EPHA10: variants seen among roughly 807,000 people sequenced by gnomAD.
EPHA10 encodes ephrin type-A receptor 10.
Under a neutral mutation model 109.7 loss-of-function variants are expected in EPHA10, and 120 were observed. The observed-to-expected ratio is 1.09, with a 90% CI of 0.94 to 1.27. The LOEUF (loss-of-function observed/expected upper bound fraction) is 1.27. EPHA10 is among the 50% of genes most tolerant of loss of function. The probability of loss-of-function intolerance (pLI) is 0.00; values close to 1 mark genes in which losing one functional copy is unlikely to be tolerated. For synonymous variants in EPHA10, 640 were observed against 618.9 expected, an observed-to-expected ratio of 1.03 and a Z score of -0.51; for missense variants, 1,396 against 1,411.1, an observed-to-expected ratio of 0.99 and a Z score of 0.17.
chr1:37,760,126 A>G (rs1646419201), intron 3 of EPHA10: 1 of 273,810 alleles, frequency 3.7e-6, no homozygotes, highest in Admixed American at 6.3e-5. Flanking sequence ...TCCTCCCACC[A>G]CTCTGTGTAT....
At position 37,754,401 on chromosome 1, in the gene EPHA10, C is replaced by G. The variant is rs1569761514; in HGVS notation, c.851-31G>C. ...GGGCATGGCTGGTGAGAAGAGGGGG[C>G]TCCTCCAGTTTCTCCCCGCTTTCCT... On this transcript the variant is annotated intron_variant, in intron 3 of 16. Transcript: ENST00000373048. The surrounding 1 kb of genome is among the most constrained non-coding windows in gnomAD (Gnocchi z 4.5). The G allele has an allele frequency of 7.8e-7, 1 of 1,281,120 alleles. No individual in the cohort carries two copies. Among genetic ancestry groups the G allele is most frequent in the Non-Finnish European group, 9.9e-7 (1 of 1,010,300 alleles). 79.4% of individuals were successfully genotyped at this position (1,281,120 alleles called of 1,614,324 possible). A position where few individuals can be genotyped will look rare whatever the true frequency, so the allele number is the denominator to read the frequency against.
intron 7 of EPHA10, among the ~76,000 whole-genome samples, chr1:37,728,575 A>G (rs1422500187): frequency 6.6e-6 from 1 of 152,162 alleles, no homozygotes; most frequent in African/African-American, 2.4e-5. Context: ...TGGGTGCAGC[A>G]AGGTGCCCAG....
At position 37,764,874 on chromosome 1, in the gene EPHA10, C is replaced by T. The variant is rs2148373206; in HGVS notation, c.106+87G>A. 3 of 1,222,870 alleles carry T rather than the reference C, an allele frequency of 2.5e-6. No homozygotes were observed. Among genetic ancestry groups the T allele is most frequent in the African/African-American group, 1.5e-5 (1 of 66,800 alleles). 75.8% of individuals were successfully genotyped at this position (1,222,870 alleles called of 1,614,324 possible). A position where few individuals can be genotyped will look rare whatever the true frequency, so the allele number is the denominator to read the frequency against. ...GCCCCAATACAGACTCTAGTCTCTC[C>T]AATGACTCCTTCCCCCAGAACCCCC... On this transcript the variant is annotated intron_variant, in intron 1 of 16. Coordinates refer to ENST00000373048, the MANE Select transcript of EPHA10 (RefSeq NM_001099439.2). The surrounding 1 kb of genome is among the most constrained non-coding windows in gnomAD (Gnocchi z 5.8).
At position 37,731,427 on chromosome 1, in the gene EPHA10, T is replaced by C. The variant is rs2148329878; in HGVS notation, c.1647A>G (p.Val549=). The change falls in exon 7 of 17, where the codon GTA becomes GTG. Residue 549 remains valine, a synonymous_variant. Coordinates refer to ENST00000373048, the MANE Select transcript of EPHA10 (RefSeq NM_001099439.2). ...EAQSFNPSIE[V]QTLGEAASGS... ...ACTACTTACCCTCCCCCAGGGTCTGTACTTCAATGCTGGGGTTAAAACTCT... is the reference window on the plus strand; with the variant it reads ...ACTACTTACCCTCCCCCAGGGTCTGCACTTCAATGCTGGGGTTAAAACTCT... 6.2e-7 allele frequency: 1 copy of C among 1,610,856 alleles called. No individual in the cohort carries two copies. The highest frequency in any genetic ancestry group is 8.5e-7 in the Non-Finnish European group (1 of 1,178,224).
Position 37,719,941 on chromosome 1 carries a change from C to T in EPHA10, c.2530G>A (p.Glu844Lys). Residue 844 changes from glutamate to lysine, a missense_variant, in exon 14 of 17, where the codon GAG (glutamate) becomes AAG (lysine). Glu to Lys is a moderately conservative substitution (Grantham distance 56). Transcript: ENST00000373048. ...IIMWEVMAFGERPYWDMSGQD... is the reference protein window; with the variant it reads ...IIMWEVMAFGKRPYWDMSGQD... ...CCAGACATGTCCCAGTAAGGCCGCT[C>T]CCCAAAGGCCATCACCTCCCACATG... 2 of 1,614,102 alleles carry T rather than the reference C, an allele frequency of 1.2e-6. No individual in the cohort carries two copies. The highest frequency in any genetic ancestry group is 1.7e-6 in the Non-Finnish European group (2 of 1,180,040).
At chr1:37,763,662 TAGAGAG>T (rs10607448) in intron 1 of EPHA10, among the ~76,000 whole-genome samples, 2 of 150,140 alleles carry the variant, frequency 1.3e-5, no homozygotes, top group African/African-American at 4.9e-5. Context: ...AAGAGTCAAT[TAGAGAG>T]AGAGAGAGAG....
In EPHA10 at chr1:37,761,813, G is replaced by C. The variant is rs139460043; in HGVS notation, c.442C>G (p.Arg148Gly). 1.7e-5 allele frequency: 28 copies of C among 1,613,438 alleles called. No individual in the cohort carries two copies. Among genetic ancestry groups the C allele is most frequent in the African/African-American group, 1.1e-4 (8 of 74,916 alleles). Residue 148 changes from arginine (R) to glycine (G), a missense_variant, in exon 3 of 17, where the codon CGG (arginine) becomes GGG (glycine). Coordinates refer to ENST00000373048, the MANE Select transcript of EPHA10 (RefSeq NM_001099439.2). ...GCGATCGTGTCGATTTTGCGGGGCC[G>C]GCTGCCGCCTAGGCGGGGACGCCCA... ...GRGRPRLGGS[R>G]PRKIDTIAAD...
chr1:37,719,289 G>T (rs1645745083), intron 15 of EPHA10, 125 bp downstream of exon 15: 1 of 1,135,352 alleles, frequency 8.8e-7, no homozygotes, highest in African/African-American at 1.5e-5. Flanking sequence ...AGCCCTCTGG[G>T]GCAATGGGGT....
chr1:37,763,740 CAG>C (rs1646452989), intron 1 of EPHA10, among the ~76,000 whole-genome samples: 1 of 152,132 alleles, frequency 6.6e-6, no homozygotes, highest in African/African-American at 2.4e-5. Context: ...CACTCCTACT[CAG>C]GGGCTTTTCT....
chr1:37,758,794 G>T (rs1028664305), intron 3 of EPHA10, among the ~76,000 whole-genome samples: 6 of 152,126 alleles, frequency 3.9e-5, no homozygotes, highest in African/African-American at 1.4e-4. Flanking sequence ...GTCTTTCAGA[G>T]CTCCAGACCC....
At chr1:37,735,199 G>A (rs1476324725) in intron 6 of EPHA10, 58 bp downstream of exon 6, 2 of 1,549,628 alleles carry the variant, frequency 1.3e-6, no homozygotes, top group Non-Finnish European at 1.7e-6. Flanking sequence ...TGAAGAACCA[G>A]AAGCCCTGCG....
At position 37,720,369 on chromosome 1, in the gene EPHA10, C is replaced by T. The variant is rs1471659197; in HGVS notation, c.2394G>A (p.Glu798=). 2 of 1,610,270 alleles carry T rather than the reference C, an allele frequency of 1.2e-6. No homozygotes were observed. The highest frequency in any genetic ancestry group is 1.7e-6 in the Non-Finnish European group (2 of 1,178,974). The change falls in exon 13 of 17, where the codon GAG becomes GAA. Residue 798 remains glutamate, a synonymous_variant. Coordinates refer to ENST00000373048, the MANE Select transcript of EPHA10 (RefSeq NM_001099439.2). Reference sequence around the variant, plus strand: ...CCCTCACCATAGTGGTGTAGACAGCCTCTGATCGGTCCCGGGGGCCCCGCC... The same window carrying T: ...CCCTCACCATAGTGGTGTAGACAGCTTCTGATCGGTCCCGGGGGCCCCGCC... ...GFGRGPRDRS[E]AVYTTMSGRS... is the part of the protein sequence containing the mutation.
At chr1:37,745,584 C>G (rs535933257) in intron 5 of EPHA10, among the ~76,000 whole-genome samples, 2 of 152,310 alleles carry the variant, frequency 1.3e-5, no homozygotes, top group East Asian at 3.9e-4. Flanking sequence ...CATGGTGGCT[C>G]ATACCTGTAA....
intron 6 of EPHA10, among the ~76,000 whole-genome samples, chr1:37,732,676 G>A (rs1008058535): frequency 5.3e-5 from 8 of 152,022 alleles, no homozygotes; most frequent in Admixed American, 1.3e-4. Context: ...GCAACGTGCC[G>A]TAAGCAAGCC....
chr1:37,761,503 G>A lies in EPHA10; in HGVS notation c.752C>T (p.Pro251Leu). 1 of 1,599,702 alleles carries A rather than the reference G, an allele frequency of 6.3e-7. No homozygotes were observed. The highest frequency in any genetic ancestry group is 8.5e-7 in the Non-Finnish European group (1 of 1,178,520). ...GTCGGCGCCGCAGTGCATGCGTGGG[G>A]GGCTGCCAGGCTCCCCTTCCGAGTG... ...VAHSEGEPGSPPRMHCGADGE... is the reference protein window; with the variant it reads ...VAHSEGEPGSLPRMHCGADGE... Residue 251 changes from proline (P) to leucine (L), a missense_variant, in exon 3 of 17, where the codon CCC becomes CTC. Transcript: ENST00000373048.
intron 6 of EPHA10, 76 bp downstream of exon 6, chr1:37,735,181 G>A: frequency 2.6e-6 from 4 of 1,532,738 alleles, no homozygotes; most frequent in Non-Finnish European, 3.5e-6. Flanking sequence ...TTTGCTGGGA[G>A]GATGGCCTGA....
chr1:37,737,923 A>C, intron 5 of EPHA10: 1 of 139,166 alleles, frequency 7.2e-6, no homozygotes, highest in Admixed American at 7.7e-5. Flanking sequence ...AAGACCAAAT[A>C]ACTGTAGGCT....
intron 3 of EPHA10, among the ~76,000 whole-genome samples, chr1:37,759,336 A>G (rs757550034): frequency 1.3e-4 from 20 of 152,018 alleles, no homozygotes; most frequent in Non-Finnish European, 4.4e-5. Context: ...ATTTAGTTAC[A>G]TAGGCCCAGC....
At position 37,716,242 on chromosome 1, in the gene EPHA10, G is replaced by C. The variant is rs561624638; in HGVS notation, c.*2130C>G. Reference sequence around the variant, plus strand: ...GATTCTGGGACCTCACTCCTCAGTGGAGGGGAGATCTACCCTGGACACCGA... The same window carrying C: ...GATTCTGGGACCTCACTCCTCAGTGCAGGGGAGATCTACCCTGGACACCGA... On this transcript the variant is annotated 3_prime_UTR_variant, in exon 17 of 17. Transcript: ENST00000373048. 3.5e-6 allele frequency: 1 copy of C among 284,646 alleles called. No individual in the cohort carries two copies. Among genetic ancestry groups the C allele is most frequent in the Non-Finnish European group, 6.7e-6 (1 of 150,282 alleles). The allele number at this position is 284,646 out of a possible 1,614,324, so 17.6% of individuals were successfully genotyped here.
Sources: allele counts gnomAD v4.1 joint callset (sites outside exome capture counted in the v4.1 genomes callset), GRCh38; gene constraint gnomAD v4.1.1; non-coding constraint Gnocchi (gnomAD v3.1); transcripts MANE v1.5; gene names NCBI Gene and HGNC (gene_info 2026-07-23, HGNC 2026-07-21).